Variants in PMS1 observed in about 807,000 individuals in gnomAD.
PMS1 encodes the protein PMS1 homolog 1, mismatch repair system component, also known as PMS1 protein homolog 1.
PMS1 carries 79 observed loss-of-function variants against 93.1 expected under a neutral mutation model. The observed-to-expected ratio is 0.85, with a 90% confidence interval of 0.71 to 1.02. The LOEUF is 1.02. PMS1 is among the 50% of genes least tolerant of loss of function. The probability of loss-of-function intolerance (pLI) is 0.00; values close to 1 mark genes in which losing one functional copy is unlikely to be tolerated. For missense variants in PMS1, 1,064 were observed against 1,085.3 expected (o/e 0.98, Z 0.28); for synonymous variants, 335 against 363.4 (o/e 0.92, Z 0.89).
chr2:189,794,756 T>C (rs190090677), intron 2 of PMS1, among the ~76,000 whole-genome samples: 161 of 152,264 alleles, frequency 1.1e-3, no homozygotes, highest in Non-Finnish European at 1.5e-3. Flanking sequence ...GTTATATATG[T>C]ATATTTTTAG....
rs111254723 is a variant in PMS1 at position 189,877,417 on chromosome 2, A to G, written c.2780A>G (p.Tyr927Cys). Residue 927 changes from tyrosine (Y) to cysteine (C), a missense_variant, in exon 13 of 13, where the codon TAT (tyrosine) becomes TGT (cysteine). By Grantham distance (194) the Tyr-to-Cys change is radical. Coordinates refer to ENST00000441310, the MANE Select transcript of PMS1 (RefSeq NM_000534.5). ...HGRPFFHHLT[Y>C]LPETT ...CGCCCATTTTTTCATCATTTAACCTATCTTCCAGAAACTACATGATTAAAT... is the reference window on the plus strand; with the variant it reads ...CGCCCATTTTTTCATCATTTAACCTGTCTTCCAGAAACTACATGATTAAAT... The G allele has an allele frequency of 9.6e-5, 154 of 1,611,470 alleles. 1 individual carries two copies. The South Asian group carries it at 1.2e-3, about 12-fold the overall frequency.
intron 7 of PMS1, 121 bp from the exon 8 acceptor site, chr2:189,853,818 T>C: frequency 1.5e-6 from 1 of 650,082 alleles, no homozygotes; most frequent in Non-Finnish European, 2.6e-6. Context: ...TGCCGGGTCA[T>C]GATAATGCTT....
At chr2:189,815,860 C>G (rs1221578749) in intron 4 of PMS1, among the ~76,000 whole-genome samples, 1 of 152,170 alleles carries the variant, frequency 6.6e-6, no homozygotes, top group Non-Finnish European at 1.5e-5. Context: ...TTTTAAGATG[C>G]TTTGCACACC....
At chr2:189,870,883 T>C (rs926771847) in intron 11 of PMS1, among the ~76,000 whole-genome samples, 1 of 152,246 alleles carries the variant, frequency 6.6e-6, no homozygotes, top group Admixed American at 6.5e-5. Flanking sequence ...TCGTTTCCAC[T>C]GTTAGTTCGT....
chr2:189,854,020 C>T lies in PMS1; in HGVS notation c.904C>T (p.Pro302Ser), dbSNP rs2055060673. The T allele has an allele frequency of 1.2e-6, 2 of 1,606,740 alleles. No individual in the cohort carries two copies. The highest frequency in any genetic ancestry group is 2.7e-5 in the African/African-American group (2 of 74,912). The change falls in exon 8 of 13, where the codon CCT becomes TCT. Residue 302 changes from proline (P) to serine (S), a missense_variant. Coordinates refer to ENST00000441310, the MANE Select transcript of PMS1 (RefSeq NM_000534.5). Reference protein sequence around the residue: ...YPVFFLKIDVPTADVDVNLTP... With the variant: ...YPVFFLKIDVSTADVDVNLTP... ...TGTTTTCTTTCTGAAAATCGATGTT[C>T]CTACAGCTGATGTTGATGTAAATTT... is the stretch of plus-strand genomic sequence containing the variant.
At chr2:189,804,321 C>A (rs900511305) in intron 3 of PMS1, among the ~76,000 whole-genome samples, 1 of 152,114 alleles carries the variant, frequency 6.6e-6, no homozygotes, top group African/African-American at 2.4e-5. Flanking sequence ...GAATAATGAG[C>A]CACAGAAAAG....
intron 5 of PMS1, among the ~76,000 whole-genome samples, chr2:189,831,929 C>T (rs2052976517): frequency 6.6e-6 from 1 of 152,018 alleles, no homozygotes; most frequent in Non-Finnish European, 1.5e-5. Flanking sequence ...TGGGGTTTCA[C>T]CATGTTGGCC....
Position 189,852,797 on chromosome 2 carries a change from A to AG in PMS1, c.822+20_822+21insG. 6.6e-7 allele frequency: 1 copy of AG among 1,515,996 alleles called. No homozygotes were observed. The highest frequency in any genetic ancestry group is 9.2e-7 in the Non-Finnish European group (1 of 1,091,940). The allele number at this position is 1,515,996 out of a possible 1,614,324, so 93.9% of individuals were successfully genotyped here. On this transcript the variant is annotated intron_variant, in intron 7 of 12. Transcript: ENST00000441310. ...TTAAAGGTAGTATGCTTTAGAAAAA[A>AG]AAAATTATTTGAATTGGAAATTTGT... is the stretch of plus-strand genomic sequence containing the variant.
At chr2:189,814,103 T>C (rs1346310735) in intron 4 of PMS1, among the ~76,000 whole-genome samples, 1 of 152,190 alleles carries the variant, frequency 6.6e-6, no homozygotes, top group East Asian at 1.9e-4. Context: ...CCATCAGCTT[T>C]TGCTCCAAAA....
intron 3 of PMS1, among the ~76,000 whole-genome samples, chr2:189,802,271 G>A (rs1447081419): frequency 6.6e-6 from 1 of 152,112 alleles, no homozygotes; most frequent in African/African-American, 2.4e-5. Context: ...AACTACTGTT[G>A]ACCGGCCTCC....
intron 4 of PMS1, among the ~76,000 whole-genome samples, chr2:189,808,322 A>G (rs1384099628): frequency 2.0e-5 from 3 of 151,902 alleles, no homozygotes; most frequent in Non-Finnish European, 4.4e-5. Flanking sequence ...AAAAAACGTA[A>G]TTTATTATTA....
At chr2:189,815,751 C>T (rs891717543) in intron 4 of PMS1, among the ~76,000 whole-genome samples, 48 of 152,190 alleles carry the variant, frequency 3.2e-4, no homozygotes, top group Non-Finnish European at 3.2e-4. Context: ...TTACAAGCTA[C>T]TGTTAGGCCT....
At chr2:189,876,316 TAAG>T (rs889509315) in intron 12 of PMS1, among the ~76,000 whole-genome samples, 3 of 152,138 alleles carry the variant, frequency 2.0e-5, no homozygotes, top group East Asian at 1.9e-4. Flanking sequence ...TAGAGAGGAA[TAAG>T]AAGATTTCCA....
chr2:189,869,218 C>T (rs918927677), intron 11 of PMS1, among the ~76,000 whole-genome samples: 1 of 152,164 alleles, frequency 6.6e-6, no homozygotes, highest in Non-Finnish European at 1.5e-5. Flanking sequence ...GATATTTACT[C>T]CAGGAAGTAT....
chr2:189,832,472 T>A (rs983996858), intron 5 of PMS1, among the ~76,000 whole-genome samples: 1 of 150,622 alleles, frequency 6.6e-6, no homozygotes, highest in Admixed American at 6.6e-5. Context: ...AGGGTTTTCT[T>A]TTTTTTTTAT....
intron 6 of PMS1, among the ~76,000 whole-genome samples, chr2:189,845,625 C>G (rs989300560): frequency 2.0e-5 from 3 of 152,054 alleles, no homozygotes; most frequent in African/African-American, 7.2e-5. Context: ...ATATCTTAGG[C>G]CTTCTGCACA....
intron 6 of PMS1, among the ~76,000 whole-genome samples, chr2:189,847,370 C>G (rs2054340612): frequency 6.6e-6 from 1 of 152,140 alleles, no homozygotes; most frequent in South Asian, 2.1e-4. Context: ...TTATTAAGAC[C>G]TCCTGTTAAT....
At chr2:189,804,611 A>G (rs1163417954) in intron 3 of PMS1, among the ~76,000 whole-genome samples, 2 of 152,142 alleles carry the variant, frequency 1.3e-5, no homozygotes, top group African/African-American at 2.4e-5. Context: ...TGCTACCAAC[A>G]TGTTCCACAG....
chr2:189,819,419 A>G (rs2051624995), intron 5 of PMS1, among the ~76,000 whole-genome samples: 1 of 152,174 alleles, frequency 6.6e-6, no homozygotes. Context: ...ACTTGGTCAA[A>G]TAGTAGCTCT....
Sources: gnomAD v4.1 joint callset for allele counts (sites outside exome capture counted in the v4.1 genomes callset) on GRCh38, gnomAD v4.1.1 for gene constraint, MANE v1.5 for transcripts, NCBI Gene and HGNC (gene_info 2026-07-23, HGNC 2026-07-21) for gene names.